Variants in ROCK2 observed in about 807,000 individuals in gnomAD.
ROCK2 encodes the protein Rho associated coiled-coil containing protein kinase 2.
ROCK2 carries 61 observed loss-of-function variants against 195.1 expected under a neutral mutation model. The ratio of observed to expected loss-of-function variants is 0.31; its 90% CI spans 0.25 to 0.39. ROCK2 has a LOEUF of 0.39. Among genes scored for constraint, ROCK2 ranks in the 10% least tolerant of loss-of-function variants. The probability of loss-of-function intolerance (pLI) is 1.00; values close to 1 mark genes in which losing one functional copy is unlikely to be tolerated. For missense variants in ROCK2, 1,109 were observed against 1,637.4 expected (o/e 0.68, Z 5.57); for synonymous variants, 504 against 545.5 (o/e 0.92, Z 1.06).
intron 3 of ROCK2, among the ~76,000 whole-genome samples, chr2:11,270,795 A>G (rs1666598769): frequency 6.6e-6 from 1 of 152,076 alleles, no homozygotes; most frequent in African/African-American, 2.4e-5. Context: ...GTTCTTTTAA[A>G]TTGCTGGTTT....
At chr2:11,271,568 T>C (rs1373764693) in intron 3 of ROCK2, among the ~76,000 whole-genome samples, 1 of 152,234 alleles carries the variant, frequency 6.6e-6, no homozygotes, top group Non-Finnish European at 1.5e-5. Context: ...GGTTTTTCAG[T>C]CTCTTCAGCA....
At position 11,237,729 on chromosome 2, in the gene ROCK2, T is replaced by G. The variant is rs575938214; in HGVS notation, c.463-1767A>C. ...AACAAAGGAGATGACAAAATGAAAT[T>G]TTATAATTGACAGACCATTTTCAAA... is the stretch of plus-strand genomic sequence containing the variant. On this transcript the variant is annotated intron_variant, in intron 4 of 32. Transcript: ENST00000315872. 7.2e-5 allele frequency among the ~76,000 whole-genome samples: 11 copies of G among 152,292 alleles called. No individual in the cohort carries two copies. In the South Asian group the frequency reaches 2.1e-3, roughly 29 times the overall value.
Position 11,218,528 on chromosome 2 carries a change from T to G in ROCK2, c.1321-62A>C, listed in dbSNP as rs1037013303. ...AAAATGATGGTTATATTCTGTAAAA[T>G]TCCTAAAACACAAACCATAACAAAA... On this transcript the variant is annotated intron_variant, in intron 10 of 32. Coordinates refer to ENST00000315872, the MANE Select transcript of ROCK2 (RefSeq NM_004850.5). 1.3e-5 allele frequency: 16 copies of G among 1,191,466 alleles called. No individual in the cohort carries two copies. The African/African-American group carries it at 2.3e-4, about 17-fold the overall frequency. 73.8% of individuals were successfully genotyped at this position (1,191,466 alleles called of 1,614,324 possible).
At chr2:11,190,018 A>T (rs1193812661) in intron 32 of ROCK2, among the ~76,000 whole-genome samples, 1 of 151,820 alleles carries the variant, frequency 6.6e-6, no homozygotes, top group Non-Finnish European at 1.5e-5. Flanking sequence ...ATAATAATAA[A>T]ATGCAGGTTG....
rs939720212 is a variant in ROCK2 at position 11,235,969 on chromosome 2, A to G, written c.463-7T>C. ...CTTGAAAGGCATAAAAAAGCTGGAA[A>G]ACAAAAGGAAAAGGAAAAATTTTTA... is the stretch of plus-strand genomic sequence containing the variant. On this transcript the variant is annotated splice_polypyrimidine_tract_variant and splice_region_variant and intron_variant, in intron 4 of 32. Transcript: ENST00000315872. The surrounding 1 kb of genome is among the most constrained non-coding windows in gnomAD (Gnocchi z 4.2). 1 of 1,410,822 alleles carries G rather than the reference A, an allele frequency of 7.1e-7. No individual in the cohort carries two copies. The highest frequency in any genetic ancestry group is 9.3e-7 in the Non-Finnish European group (1 of 1,075,574). 87.4% of individuals were successfully genotyped at this position (1,410,822 alleles called of 1,614,324 possible).
intron 5 of ROCK2, among the ~76,000 whole-genome samples, chr2:11,229,058 T>A (rs1341030202): frequency 6.6e-6 from 1 of 152,106 alleles, no homozygotes; most frequent in Non-Finnish European, 1.5e-5. Context: ...AAGGATAAGC[T>A]GCATATCAGT....
intron 1 of ROCK2, among the ~76,000 whole-genome samples, chr2:11,328,986 G>A (rs1263176153): frequency 6.6e-6 from 1 of 151,346 alleles, no homozygotes; most frequent in Non-Finnish European, 1.5e-5. Flanking sequence ...GTTAATGGGT[G>A]CAGCACACCA....
chr2:11,183,412 T>C lies in ROCK2; in HGVS notation c.*25A>G. On this transcript the variant is annotated 3_prime_UTR_variant, in exon 33 of 33. Transcript: ENST00000315872. The stretch of plus-strand genomic sequence containing the variant: ...ACTGGAAGAATACGATCACCTTGAA[T>C]AATGACTGCTTTCATAGAAGGCAGT... 1 of 1,590,058 alleles carries C rather than the reference T, an allele frequency of 6.3e-7. No individual in the cohort carries two copies.
At chr2:11,262,705 A>G (rs1333694697) in intron 3 of ROCK2, among the ~76,000 whole-genome samples, 2 of 152,152 alleles carry the variant, frequency 1.3e-5, no homozygotes, top group East Asian at 1.9e-4. Context: ...GTGGAACTGT[A>G]AGTCCAATAA....
chr2:11,311,037 T>C (rs141146687), intron 1 of ROCK2, among the ~76,000 whole-genome samples: 1 of 151,668 alleles, frequency 6.6e-6, no homozygotes, highest in Non-Finnish European at 1.5e-5. Flanking sequence ...TCTAACTTAC[T>C]TCTCCAACTC....
At chr2:11,330,815 G>GA (rs1491468056) in intron 1 of ROCK2, among the ~76,000 whole-genome samples, 1 of 21,040 alleles carries the variant, frequency 4.8e-5, no homozygotes, top group Non-Finnish European at 1.1e-4. Context: ...AGAGGAGGAA[G>GA]GGGAGGAGGA....
intron 3 of ROCK2, among the ~76,000 whole-genome samples, chr2:11,285,260 CT>C (rs1342313688): frequency 4.8e-5 from 4 of 83,780 alleles, no homozygotes; most frequent in East Asian, 3.1e-4. Context: ...GAAACTCTGT[CT>C]AAAAAAAAAA....
At position 11,194,489 on chromosome 2, in the gene ROCK2, G is replaced by C. The variant is rs927824946; in HGVS notation, c.3520-145C>G. 39 of 370,294 alleles carry C rather than the reference G, an allele frequency of 1.1e-4. 1 individual carries two copies. The highest frequency in any genetic ancestry group is 1.5e-3 in the Middle Eastern group (2 of 1,364). 22.9% of individuals were successfully genotyped at this position (370,294 alleles called of 1,614,324 possible). A position where few individuals can be genotyped will look rare whatever the true frequency, so the allele number is the denominator to read the frequency against. On this transcript the variant is annotated intron_variant, in intron 28 of 32. Transcript: ENST00000315872. ...AAGTATTTAATATATCTTTAGGACA[G>C]TCTTCCTTAAAATAACAATAAATTT...
Position 11,183,414 on chromosome 2 carries a change from AT to A in ROCK2, c.*22del. 6.3e-7 allele frequency: 1 copy of A among 1,591,212 alleles called. No homozygotes were observed. The highest frequency in any genetic ancestry group is 8.6e-7 in the Non-Finnish European group (1 of 1,166,168). On this transcript the variant is annotated 3_prime_UTR_variant, in exon 33 of 33. Transcript: ENST00000315872. ...TGGAAGAATACGATCACCTTGAATA[AT>A]GACTGCTTTCATAGAAGGCAGTTAG...
intron 1 of ROCK2, 82 bp downstream of exon 1, chr2:11,343,914 C>A: frequency 1.4e-6 from 2 of 1,468,990 alleles, no homozygotes; most frequent in Non-Finnish European, 1.8e-6. Context: ...TCCCCACGGG[C>A]GGACGGGCAC....
chr2:11,248,464 T>G (rs1665700327), intron 4 of ROCK2, among the ~76,000 whole-genome samples: 2 of 151,814 alleles, frequency 1.3e-5, no homozygotes, highest in Non-Finnish European at 2.9e-5. Flanking sequence ...TCCCAGCACT[T>G]CGGGAGGCTA....
chr2:11,188,541 CA>C (rs1402121011), intron 32 of ROCK2, among the ~76,000 whole-genome samples: 1 of 152,126 alleles, frequency 6.6e-6, no homozygotes, highest in Non-Finnish European at 1.5e-5. Context: ...TCAAAAGTAC[CA>C]AGAAAACATT....
upstream of ROCK2, among the ~76,000 whole-genome samples, chr2:11,344,828 C>G (rs537551262): frequency 1.8e-4 from 27 of 150,958 alleles, no homozygotes; most frequent in East Asian, 1.4e-3. This position sits in a 1 kb window ranked among gnomAD's most constrained non-coding sequence, Gnocchi z 5.4. Flanking sequence ...GCCTCCTCCC[C>G]CTGGCGAGGT....
In ROCK2 at chr2:11,323,895, C is replaced by T. The variant is rs116122589; in HGVS notation, c.141+20101G>A. On this transcript the variant is annotated intron_variant, in intron 1 of 32. Coordinates refer to ENST00000315872, the MANE Select transcript of ROCK2 (RefSeq NM_004850.5). The stretch of plus-strand genomic sequence containing the variant: ...CCGTCAGTATTCATTCTTGGTACTG[C>T]ACATCCCATGGGTTCACACAAATGT... Among the ~76,000 whole-genome samples the T allele has an allele frequency of 2.6e-3, 390 of 152,282 alleles. 1 individual carries two copies. The highest frequency in any genetic ancestry group is 8.8e-3 in the African/African-American group (366 of 41,548).
Sources: allele counts gnomAD v4.1 joint callset (sites outside exome capture counted in the v4.1 genomes callset), GRCh38; gene constraint gnomAD v4.1.1; non-coding constraint Gnocchi (gnomAD v3.1); transcripts MANE v1.5; gene names NCBI Gene and HGNC (gene_info 2026-07-23, HGNC 2026-07-21).